The following IARS1 variants were observed in gnomAD, a reference collection of about 807,000 sequenced individuals.
The protein encoded by IARS1 is isoleucine--tRNA ligase, cytoplasmic.
A neutral mutation model predicts 168.2 loss-of-function variants in IARS1; 124 were observed. That is an observed-to-expected ratio of 0.74 (90% CI 0.64 to 0.86). The LOEUF (loss-of-function observed/expected upper bound fraction) is 0.86. Ranked by LOEUF, IARS1 falls within the 40% of genes least tolerant of loss-of-function variation. The probability of loss-of-function intolerance (pLI) is 0.00; values close to 1 mark genes in which losing one functional copy is unlikely to be tolerated. For missense variants in IARS1, 1,452 were observed against 1,515.8 expected (o/e 0.96, Z 0.70); for synonymous variants, 532 against 529.4 (o/e 1.00, Z -0.07).
chr9:92,210,870 G>A lies in IARS1; in HGVS notation c.3726C>T (p.Pro1242=), dbSNP rs777464643. 73 of 1,606,952 alleles carry A rather than the reference G, an allele frequency of 4.5e-5. No homozygotes were observed. The highest frequency in any genetic ancestry group is 1.6e-4 in the Middle Eastern group (1 of 6,076). ...CAGTCTTCATATTCAAAGTCTTCAC[G>A]GGGATGTCTTCTGTAATTTCTAGAA... ...TQTQEITEDI[P]VKTLNMKTVY... Residue 1242 remains proline (P), a synonymous_variant, in exon 34 of 34, where the codon CCC becomes CCT. Coordinates refer to ENST00000443024, the MANE Select transcript of IARS1 (RefSeq NM_002161.6).
Position 92,278,257 on chromosome 9 carries a change from T to A in IARS1, c.775A>T (p.Met259Leu). The change falls in exon 8 of 34, where the codon ATG becomes TTG. Residue 259 changes from methionine (M) to leucine (L), a missense_variant. Coordinates refer to ENST00000443024, the MANE Select transcript of IARS1 (RefSeq NM_002161.6). ...DVARGRLLILMEARLSALYKL... is the reference protein window; with the variant it reads ...DVARGRLLILLEARLSALYKL... ...TAGAGGGCTGACAATCTGGCTTCCA[T>A]TAAAATGAGTAATCGTCCTCTGGCA... 6.2e-7 allele frequency: 1 copy of A among 1,612,646 alleles called. No individual in the cohort carries two copies.
intron 7 of IARS1, among the ~76,000 whole-genome samples, chr9:92,279,955 T>C (rs975714061): frequency 4.6e-5 from 7 of 152,248 alleles, no homozygotes; most frequent in South Asian, 2.1e-4. Context: ...ATTCAAGGCA[T>C]AGCCTGTATC....
At chr9:92,219,746 A>G (rs925644830) in intron 33 of IARS1, among the ~76,000 whole-genome samples, 20 of 113,496 alleles carry the variant, frequency 1.8e-4, no homozygotes, top group Admixed American at 4.1e-4. Context: ...TAGAATGGCA[A>G]TCATTCAAAA....
intron 21 of IARS1, chr9:92,252,248 T>C (rs1830102829): frequency 2.3e-6 from 1 of 430,798 alleles, no homozygotes; most frequent in South Asian, 1.9e-5. Context: ...AAAGTACCTT[T>C]AAATAAGATT....
intron 30 of IARS1, among the ~76,000 whole-genome samples, chr9:92,237,260 T>A (rs1457218515): frequency 6.6e-6 from 1 of 152,220 alleles, no homozygotes; most frequent in African/African-American, 2.4e-5. Context: ...CACTCAGTTC[T>A]ATGTTTCTTT....
chr9:92,270,086 G>A, intron 12 of IARS1, 103 bp from the exon 13 acceptor site: 1 of 665,970 alleles, frequency 1.5e-6, no homozygotes, highest in Non-Finnish European at 2.7e-6. Context: ...TCACTTACTT[G>A]GCCTTCTGCT....
chr9:92,224,433 G>A (rs1186175238), intron 31 of IARS1, among the ~76,000 whole-genome samples: 2 of 152,174 alleles, frequency 1.3e-5, no homozygotes, highest in Admixed American at 1.3e-4. Context: ...TGGACTAAAC[G>A]AGAACAGCCA....
intron 31 of IARS1, among the ~76,000 whole-genome samples, chr9:92,224,267 C>T (rs780017197): frequency 1.1e-4 from 16 of 152,280 alleles, no homozygotes; most frequent in African/African-American, 1.9e-4. Context: ...ACAGTCTTAA[C>T]GGCCCTGTTC....
intron 30 of IARS1, among the ~76,000 whole-genome samples, chr9:92,232,922 C>G (rs890890414): frequency 6.6e-6 from 1 of 152,112 alleles, no homozygotes; most frequent in African/African-American, 2.4e-5. Context: ...CTTCAGTGAC[C>G]TGCAATCCTA....
rs772957255 is a variant in IARS1, at chr9:92,210,257, C to T, written c.*550G>A. 1 of 152,348 alleles carries T rather than the reference C, an allele frequency of 6.6e-6. No individual in the cohort carries two copies. Among genetic ancestry groups the T allele is most frequent in the Non-Finnish European group, 1.5e-5 (1 of 68,170 alleles). The allele number at this position is 152,348 out of a possible 1,614,324, so 9.4% of individuals were successfully genotyped here. A position where few individuals can be genotyped will look rare whatever the true frequency, so the allele number is the denominator to read the frequency against. On this transcript the variant is annotated 3_prime_UTR_variant, in exon 34 of 34. Coordinates refer to ENST00000443024, the MANE Select transcript of IARS1 (RefSeq NM_002161.6). The stretch of plus-strand genomic sequence containing the variant: ...TCTAGTCCACTGTCTTAATAAGAAA[C>T]CACCATGAAGTTTTTATGTTCTTCA...
intron 28 of IARS1, 189 bp from the exon 29 acceptor site, chr9:92,242,519 T>C (rs964389576): frequency 7.1e-6 from 4 of 565,694 alleles, no homozygotes; most frequent in South Asian, 7.1e-5. Context: ...TGTGTCTTTT[T>C]CACCACTCTT....
intron 30 of IARS1, among the ~76,000 whole-genome samples, chr9:92,232,637 C>T (rs536596391): frequency 1.3e-5 from 2 of 152,188 alleles, no homozygotes; most frequent in Admixed American, 1.3e-4. Context: ...GTGTGGTCAA[C>T]CTGGGTAAGT....
At chr9:92,213,701 G>C (rs1172149062) in intron 33 of IARS1, among the ~76,000 whole-genome samples, 3 of 152,200 alleles carry the variant, frequency 2.0e-5, no homozygotes, top group Admixed American at 2.0e-4. Context: ...TGTTGCAGCA[G>C]CCACAGAAAC....
chr9:92,277,899 G>A lies in IARS1; in HGVS notation c.858C>T (p.Gly286=), dbSNP rs769850006. 1 of 1,613,730 alleles carries A rather than the reference G, an allele frequency of 6.2e-7. No homozygotes were observed. The highest frequency in any genetic ancestry group is 8.5e-7 in the Non-Finnish European group (1 of 1,179,870). ...LERFPGAYLK[G]KKYRPLFDYF... is the part of the protein sequence containing the mutation. The stretch of plus-strand genomic sequence containing the variant: ...AGTCAAACAGGGGCCTGTACTTCTT[G>A]CCTTTAAGATAGGCACCAGGAAATC... The change falls in exon 9 of 34, where the codon GGC becomes GGT. Residue 286 remains glycine (G), a synonymous_variant. Coordinates refer to ENST00000443024, the MANE Select transcript of IARS1 (RefSeq NM_002161.6).
At chr9:92,227,457 G>A (rs1349628839) in intron 31 of IARS1, among the ~76,000 whole-genome samples, 9 of 145,624 alleles carry the variant, frequency 6.2e-5, no homozygotes, top group East Asian at 2.0e-4. Context: ...CCTCCCTCCC[G>A]GACGGGGCGG....
chr9:92,287,697 A>T lies in IARS1; in HGVS notation c.396+94T>A, dbSNP rs1292181450. 3 of 1,343,318 alleles carry T rather than the reference A, an allele frequency of 2.2e-6. No individual in the cohort carries two copies. In the African/African-American group the frequency reaches 4.5e-5, roughly 20 times the overall value. The allele number at this position is 1,343,318 out of a possible 1,614,324, so 83.2% of individuals were successfully genotyped here. The stretch of plus-strand genomic sequence containing the variant: ...CTAACACTTTTTCTACAAAAAATAA[A>T]TTAATAAAAAAAGCACAAGGGACCA... On this transcript the variant is annotated intron_variant, in intron 4 of 33. Coordinates refer to ENST00000443024, the MANE Select transcript of IARS1 (RefSeq NM_002161.6).
At chr9:92,256,921 T>C (rs1830815047) in intron 19 of IARS1, 121 bp from the exon 20 acceptor site, 1 of 846,750 alleles carries the variant, frequency 1.2e-6, no homozygotes, top group Non-Finnish European at 1.7e-6. Context: ...CTACTGGCAA[T>C]GTGAATTTCT....
intron 20 of IARS1, among the ~76,000 whole-genome samples, chr9:92,254,705 C>T (rs1830479094): frequency 6.6e-6 from 1 of 152,160 alleles, no homozygotes; most frequent in Non-Finnish European, 1.5e-5. Context: ...AAATAGAACT[C>T]CACATACAAT....
intron 4 of IARS1, 118 bp from the exon 5 acceptor site, chr9:92,286,736 G>A (rs1835525424): frequency 3.5e-6 from 2 of 576,212 alleles, no homozygotes; most frequent in Non-Finnish European, 6.2e-6. Context: ...AATAATCAAT[G>A]GTACAAGTAA....
Sources: gnomAD v4.1 joint callset for allele counts (sites outside exome capture counted in the v4.1 genomes callset) on GRCh38, gnomAD v4.1.1 for gene constraint, MANE v1.5 for transcripts, NCBI Gene and HGNC (gene_info 2026-07-23, HGNC 2026-07-21) for gene names.